OXTR: variants seen among roughly 807,000 people sequenced by gnomAD.
The protein encoded by OXTR is oxytocin receptor.
A neutral mutation model predicts 23.9 loss-of-function variants in OXTR; 19 were observed. The ratio of observed to expected loss-of-function variants is 0.80; its 90% confidence interval spans 0.56 to 1.17. The LOEUF (loss-of-function observed/expected upper bound fraction) is 1.17. Among genes scored for constraint, OXTR ranks in the 50% most tolerant of loss-of-function variants. The pLI, the probability that OXTR is intolerant of heterozygous loss-of-function variation, is 0.00. For missense variants in OXTR, 500 were observed against 550.7 expected, an observed-to-expected ratio of 0.91 and a Z score of 0.92; for synonymous variants, 278 against 250.5, an observed-to-expected ratio of 1.11 and a Z score of -1.04.
At chr3:8,764,213 G>C (rs1708556008) in intron 3 of OXTR, among the ~76,000 whole-genome samples, 2 of 150,274 alleles carry the variant, frequency 1.3e-5, no homozygotes, top group Admixed American at 6.6e-5. Flanking sequence ...CTTGATGGGT[G>C]GCCATTGGCT....
downstream of OXTR, chr3:8,746,763 G>GT (rs760345470): frequency 6.7e-6 from 1 of 149,054 alleles, no homozygotes; most frequent in Non-Finnish European, 1.5e-5. Flanking sequence ...GAAAGAGCAT[G>GT]TATCACTTCC....
At chr3:8,741,440 T>G in the OXTR span, among the ~76,000 whole-genome samples, 1 of 152,186 alleles carries the variant, frequency 6.6e-6, no homozygotes, top group Admixed American at 6.5e-5. Flanking sequence ...GGGAGGAAGC[T>G]GGGATCTGGC....
intron 3 of OXTR, among the ~76,000 whole-genome samples, chr3:8,761,997 C>A (rs571617102): frequency 2.0e-5 from 3 of 152,340 alleles, no homozygotes; most frequent in South Asian, 2.1e-4. Context: ...CCGGCTTCAG[C>A]CCCTGGGAGG....
At chr3:8,745,653 G>A (rs778563715), downstream of OXTR, 1 of 1,614,082 alleles carries the variant, frequency 6.2e-7, no homozygotes, top group Non-Finnish European at 8.5e-7. The surrounding 1 kb of genome is among the most constrained non-coding windows in gnomAD (Gnocchi z 4.8). Flanking sequence ...ACGCTGCTGG[G>A]CGTCCCACTG....
chr3:8,762,136 C>G (rs1157235364), intron 3 of OXTR, among the ~76,000 whole-genome samples: 2 of 152,168 alleles, frequency 1.3e-5, no homozygotes. Context: ...CCAGCCTCCA[C>G]AGACAGTGTG....
At chr3:8,745,888 G>A (rs1708146233), downstream of OXTR, 1 of 1,599,184 alleles carries the variant, frequency 6.3e-7, no homozygotes, top group African/African-American at 1.3e-5. This position sits in a 1 kb window ranked among gnomAD's most constrained non-coding sequence, Gnocchi z 4.8. Flanking sequence ...GGCAACAGCG[G>A]TGGCAGGGCA....
rs534589974 is a variant in OXTR at position 8,768,667 on chromosome 3, G to A, written c.-238-76C>T. Reference sequence around the variant, plus strand: ...ATCTAAAACCAAATCACCTCCCCGAGGGAATCTCCAAACTACCTACTCGCC... The same window carrying A: ...ATCTAAAACCAAATCACCTCCCCGAAGGAATCTCCAAACTACCTACTCGCC... On this transcript the variant is annotated intron_variant, in intron 1 of 3. Coordinates refer to ENST00000316793, the MANE Select transcript of OXTR (RefSeq NM_000916.4). This position sits in a 1 kb window ranked among gnomAD's most constrained non-coding sequence, Gnocchi z 5.4. 1.3e-5 allele frequency: 2 copies of A among 154,092 alleles called. No individual in the cohort carries two copies. Among genetic ancestry groups the A allele is most frequent in the African/African-American group, 4.8e-5 (2 of 41,650 alleles). The allele number at this position is 154,092 out of a possible 1,614,324, so 9.5% of individuals were successfully genotyped here.
chr3:8,762,921 G>T (rs538418770), intron 3 of OXTR, among the ~76,000 whole-genome samples: 38 of 152,264 alleles, frequency 2.5e-4, no homozygotes, highest in Non-Finnish European at 4.9e-4. Flanking sequence ...GGCCATCCCT[G>T]CCCCGTCTCA....
chr3:8,765,645 G>A (rs1332526382), intron 3 of OXTR, among the ~76,000 whole-genome samples: 1 of 152,174 alleles, frequency 6.6e-6, no homozygotes, highest in Non-Finnish European at 1.5e-5. Flanking sequence ...CCAGGAAACA[G>A]GTGAGGCCTA....
intron 3 of OXTR, among the ~76,000 whole-genome samples, chr3:8,755,256 A>G (rs2124996944): frequency 6.6e-6 from 1 of 152,314 alleles, no homozygotes; most frequent in Non-Finnish European, 1.5e-5. Flanking sequence ...TGTCTTAGAA[A>G]TAATGAAAGA....
chr3:8,764,027 C>A (rs1708550432), intron 3 of OXTR, among the ~76,000 whole-genome samples: 1 of 152,118 alleles, frequency 6.6e-6, no homozygotes, highest in Non-Finnish European at 1.5e-5. Context: ...ACAAGGTGAG[C>A]TTTAAACCCA....
At position 8,752,736 on chromosome 3, in the gene OXTR, C is replaced by A. The variant is rs147212417; in HGVS notation, c.*241G>T. On this transcript the variant is annotated 3_prime_UTR_variant, in exon 4 of 4. Transcript: ENST00000316793. ...AAAACAAGCCACTCACTGCCCAGGGCAGCAGTGGGTTCAGGGTGGTAGAAG... is the reference window on the plus strand; with the variant it reads ...AAAACAAGCCACTCACTGCCCAGGGAAGCAGTGGGTTCAGGGTGGTAGAAG... 100 of 505,262 alleles carry A rather than the reference C, an allele frequency of 2.0e-4. No individual in the cohort carries two copies. The highest frequency in any genetic ancestry group is 1.5e-3 in the Admixed American group (41 of 27,378). The allele number at this position is 505,262 out of a possible 1,614,324, so 31.3% of individuals were successfully genotyped here.
intron 3 of OXTR, among the ~76,000 whole-genome samples, chr3:8,754,765 C>A (rs2124996533): frequency 6.6e-6 from 1 of 152,326 alleles, no homozygotes; most frequent in South Asian, 2.1e-4. Context: ...CCCAGAATTA[C>A]CCTCTGGAGG....
At chr3:8,753,703 G>A (rs962928951) in intron 3 of OXTR, among the ~76,000 whole-genome samples, 11 of 152,174 alleles carry the variant, frequency 7.2e-5, no homozygotes, top group Admixed American at 5.9e-4. Flanking sequence ...CTTTAAATGG[G>A]CATAAGGAGA....
At chr3:8,747,466 T>C (rs1455861470), downstream of OXTR, among the ~76,000 whole-genome samples, 1 of 152,190 alleles carries the variant, frequency 6.6e-6, no homozygotes, top group Admixed American at 6.5e-5. Flanking sequence ...CACCCCTCTA[T>C]CCATCCCACC....
downstream of OXTR, among the ~76,000 whole-genome samples, chr3:8,747,652 G>T (rs1317104182): frequency 2.0e-5 from 3 of 152,196 alleles, no homozygotes; most frequent in Middle Eastern, 3.2e-3. Flanking sequence ...CCAGCCTGCT[G>T]CCTGTGCTCT....
At chr3:8,759,829 A>G (rs1403708816) in intron 3 of OXTR, among the ~76,000 whole-genome samples, 1 of 152,178 alleles carries the variant, frequency 6.6e-6, no homozygotes, top group East Asian at 1.9e-4. Flanking sequence ...GCTGCCCCTC[A>G]GTGCAGGAAT....
At chr3:8,764,472 T>A (rs980564006) in intron 3 of OXTR, among the ~76,000 whole-genome samples, 5 of 152,218 alleles carry the variant, frequency 3.3e-5, no homozygotes, top group Non-Finnish European at 7.3e-5. Context: ...AATTCCACTT[T>A]TCCGATAATA....
intron 3 of OXTR, among the ~76,000 whole-genome samples, chr3:8,760,886 C>T (rs533390712): frequency 6.9e-6 from 1 of 144,714 alleles, no homozygotes; most frequent in South Asian, 2.1e-4. Flanking sequence ...AGAGAGTACT[C>T]ACTGCCAGGT....
Sources: gnomAD v4.1 joint callset for allele counts (sites outside exome capture counted in the v4.1 genomes callset) on GRCh38, gnomAD v4.1.1 for gene constraint, Gnocchi (gnomAD v3.1) non-coding constraint, MANE v1.5 for transcripts, NCBI Gene and HGNC (gene_info 2026-07-23, HGNC 2026-07-21) for gene names.